KANSL3: variants seen among roughly 807,000 people sequenced by gnomAD.
KANSL3 encodes NSL complex protein NSL3.
KANSL3 carries 16 observed loss-of-function variants against 89.2 expected under a neutral mutation model. The observed-to-expected ratio is 0.18, with a 90% CI of 0.12 to 0.27. KANSL3 has a LOEUF of 0.27. Among genes scored for constraint, KANSL3 ranks in the 10% least tolerant of loss-of-function variants. The pLI, the probability that KANSL3 is intolerant of heterozygous loss-of-function variation, is 1.00. For missense variants in KANSL3, 879 were observed against 1,110.6 expected, an observed-to-expected ratio of 0.79 and a Z score of 2.96; for synonymous variants, 385 against 419.7, an observed-to-expected ratio of 0.92 and a Z score of 1.01.
At chr2:96,637,426 G>A (rs1306929976) in intron 1 of KANSL3, among the ~76,000 whole-genome samples, 1 of 152,082 alleles carries the variant, frequency 6.6e-6, no homozygotes, top group Non-Finnish European at 1.5e-5. Flanking sequence ...ATTACCTAAC[G>A]GGAGAGCTCA....
chr2:96,629,038 A>G (rs1273049944), intron 3 of KANSL3, among the ~76,000 whole-genome samples: 3 of 152,160 alleles, frequency 2.0e-5, no homozygotes, highest in African/African-American at 7.2e-5. Context: ...CCCTGAGCTC[A>G]GTTTCTTCAT....
chr2:96,600,073 A>G (rs1436597359), intron 20 of KANSL3, among the ~76,000 whole-genome samples: 5 of 152,234 alleles, frequency 3.3e-5, no homozygotes, highest in Admixed American at 6.5e-5. Flanking sequence ...TACCTAACAG[A>G]AGGTGGTGAA....
chr2:96,601,246 C>T (rs546896713), intron 20 of KANSL3: 10 of 898,612 alleles, frequency 1.1e-5, no homozygotes, highest in East Asian at 2.4e-4. Context: ...CCAGCTTGGG[C>T]GATAGAGCAA....
intron 14 of KANSL3, among the ~76,000 whole-genome samples, chr2:96,607,527 G>A (rs902719892): frequency 2.0e-5 from 3 of 152,190 alleles, no homozygotes; most frequent in Non-Finnish European, 4.4e-5. Flanking sequence ...AAGACACACT[G>A]TCCACACGGG....
chr2:96,605,633 G>A (rs1234473795), intron 14 of KANSL3, 122 bp from the exon 15 acceptor site: 16 of 778,378 alleles, frequency 2.1e-5, no homozygotes, highest in South Asian at 3.3e-5. Flanking sequence ...ACCACTCTAC[G>A]TACAGGGCCA....
At chr2:96,580,867 G>T in the KANSL3 span, among the ~76,000 whole-genome samples, 1 of 152,214 alleles carries the variant, frequency 6.6e-6, no homozygotes, top group Non-Finnish European at 1.5e-5. Flanking sequence ...TCCAGCCCAT[G>T]AGATAACTGC....
the KANSL3 span, among the ~76,000 whole-genome samples, chr2:96,582,597 A>T: frequency 6.6e-6 from 1 of 152,144 alleles, no homozygotes; most frequent in Non-Finnish European, 1.5e-5. Context: ...CTATAGCGTA[A>T]TATTAAGAGC....
the KANSL3 span, among the ~76,000 whole-genome samples, chr2:96,585,255 A>G: frequency 1.3e-5 from 2 of 152,272 alleles, no homozygotes; most frequent in Admixed American, 1.3e-4. Flanking sequence ...ACTAATAACC[A>G]GAATCTACAA....
At chr2:96,629,558 G>A (rs1287736375) in intron 3 of KANSL3, among the ~76,000 whole-genome samples, 1 of 152,168 alleles carries the variant, frequency 6.6e-6, no homozygotes, top group Non-Finnish European at 1.5e-5. Context: ...CCGACCTCAG[G>A]TGATCCACCC....
At chr2:96,585,223 CA>C in the KANSL3 span, among the ~76,000 whole-genome samples, 1 of 152,132 alleles carries the variant, frequency 6.6e-6, no homozygotes, top group South Asian at 2.1e-4. Context: ...AAAATATTCA[CA>C]AACTATCCAT....
Position 96,602,221 on chromosome 2 carries a change from G to C in KANSL3, c.2377C>G (p.Pro793Ala). 1.2e-6 allele frequency: 2 copies of C among 1,610,448 alleles called. No homozygotes were observed. The highest frequency in any genetic ancestry group is 3.4e-5 in the Admixed American group (2 of 59,450). Reference protein sequence around the residue: ...ATTLSSLGATPGGKPTAIHQL... With the variant: ...ATTLSSLGATAGGKPTAIHQL... ...TGGATGGCTGTGGGCTTCCCACCAG[G>C]AGTGGCACCCAAGGAGGAGAGAGTG... Residue 793 changes from proline (P) to alanine (A), a missense_variant, in exon 19 of 21, where the codon CCT (proline) becomes GCT (alanine). Around this residue, in one of 6 missense-constraint regions of KANSL3, gnomAD observed 89 missense variants for 139.7 expected, o/e 0.64. Transcript: ENST00000431828.
chr2:96,593,298 C>T lies in KANSL3; in HGVS notation c.*2313G>A, dbSNP rs979738605. ...AACCAAGAGTAGACAGGTCTTCCTACCTCAGTGACCTCAAAACACAAGGAC... is the reference window on the plus strand; with the variant it reads ...AACCAAGAGTAGACAGGTCTTCCTATCTCAGTGACCTCAAAACACAAGGAC... On this transcript the variant is annotated 3_prime_UTR_variant, in exon 21 of 21. Coordinates refer to ENST00000431828, the MANE Select transcript of KANSL3 (RefSeq NM_001115016.3). The T allele has an allele frequency of 4.4e-6, 2 of 455,952 alleles. No homozygotes were observed. Among genetic ancestry groups the T allele is most frequent in the African/African-American group, 2.0e-5 (1 of 50,062 alleles). 28.2% of individuals were successfully genotyped at this position (455,952 alleles called of 1,614,324 possible).
At chr2:96,616,019 G>C (rs2070032605) in intron 5 of KANSL3, among the ~76,000 whole-genome samples, 1 of 152,188 alleles carries the variant, frequency 6.6e-6, no homozygotes, top group African/African-American at 2.4e-5. Context: ...CTTTGGAACA[G>C]GCAGGATTCC....
chr2:96,604,717 T>TA (rs2067709295), intron 16 of KANSL3, 62 bp downstream of exon 16: 7 of 1,422,216 alleles, frequency 4.9e-6, no homozygotes, highest in Middle Eastern at 1.8e-4. Flanking sequence ...AAGCACTAAA[T>TA]AAACCAGAAA....
At chr2:96,581,758 A>G in the KANSL3 span, among the ~76,000 whole-genome samples, 1 of 152,218 alleles carries the variant, frequency 6.6e-6, no homozygotes, top group South Asian at 2.1e-4. Context: ...GTTTCTTTCA[A>G]TATAAATGTT....
intron 12 of KANSL3, 67 bp from the exon 13 acceptor site, chr2:96,609,131 C>T: frequency 7.4e-7 from 1 of 1,359,866 alleles, no homozygotes; most frequent in Non-Finnish European, 1.0e-6. Context: ...CTCTCATATA[C>T]TTTCCAACTA....
chr2:96,580,625 A>G, the KANSL3 span, among the ~76,000 whole-genome samples: 23 of 152,362 alleles, frequency 1.5e-4, no homozygotes, highest in Admixed American at 4.6e-4. Flanking sequence ...ATGTTGGTTA[A>G]ACAGGTGTGT....
chr2:96,611,903 ATGTGTGTGTGTGTG>A (rs59217274), intron 9 of KANSL3, among the ~76,000 whole-genome samples: 17 of 113,304 alleles, frequency 1.5e-4, no homozygotes, highest in African/African-American at 5.5e-4. Context: ...ATATACCCAT[ATGTGTGTGTGTGTG>A]TGTGTGTGTG....
intron 7 of KANSL3, 34 bp from the exon 8 acceptor site, chr2:96,612,597 G>C: frequency 6.5e-7 from 1 of 1,546,214 alleles, no homozygotes; most frequent in Non-Finnish European, 8.9e-7. Flanking sequence ...CACCAGCAGA[G>C]GTAAGTTTCA....
Sources: gnomAD v4.1 joint callset for allele counts (sites outside exome capture counted in the v4.1 genomes callset) on GRCh38, gnomAD v4.1.1 for gene constraint, gnomAD v4.1.1 regional missense constraint, MANE v1.5 for transcripts, NCBI Gene and HGNC (gene_info 2026-07-23, HGNC 2026-07-21) for gene names.